Variants in ATG10 observed in about 807,000 individuals in gnomAD.
The protein encoded by ATG10 is autophagy related 10.
In ATG10, 30 loss-of-function variants were observed where a neutral mutation model predicts 32.1. That is an observed-to-expected ratio of 0.94 (90% confidence interval 0.70 to 1.27). The LOEUF (loss-of-function observed/expected upper bound fraction) is 1.27, where lower values mean the gene tolerates loss of function less well. Ranked by LOEUF, ATG10 falls within the 50% of genes most tolerant of loss-of-function variation. The probability of loss-of-function intolerance (pLI) is 0.00; values close to 1 mark genes in which losing one functional copy is unlikely to be tolerated. For synonymous variants in ATG10, 87 were observed against 91.5 expected, an observed-to-expected ratio of 0.95 and a Z score of 0.28; for missense variants, 233 against 262.3, an observed-to-expected ratio of 0.89 and a Z score of 0.77.
rs371581160 is a variant in ATG10 at position 82,118,400 on chromosome 5, A to ATATAT, written c.217-45998_217-45994dup. ...ATAATATATGTACATATATATATATATATATGTATGTATATATTCCCTAGC... is the reference window on the plus strand; with the variant it reads ...ATAATATATGTACATATATATATATATATATTATATGTATGTATATATTCCCTAGC... On this transcript the variant is annotated intron_variant, in intron 3 of 7. Transcript: ENST00000282185. 4.8e-4 allele frequency among the ~76,000 whole-genome samples: 56 copies of ATATAT among 115,832 alleles called. 2 individuals carry two copies. The highest frequency in any genetic ancestry group is 7.7e-4 in the Non-Finnish European group (41 of 52,904). 76.0% of individuals were successfully genotyped at this position (115,832 alleles called of 152,430 possible).
intron 2 of ATG10, among the ~76,000 whole-genome samples, chr5:82,025,974 A>C (rs1762582220): frequency 6.6e-6 from 1 of 152,236 alleles, no homozygotes; most frequent in African/African-American, 2.4e-5. Context: ...GAAAAATTTT[A>C]ATTTTGGTAA....
At chr5:82,231,155 T>A (rs1300931683) in intron 5 of ATG10, among the ~76,000 whole-genome samples, 1 of 152,188 alleles carries the variant, frequency 6.6e-6, no homozygotes, top group Admixed American at 6.5e-5. Context: ...TGGTACTAGT[T>A]TTCTTTTTGG....
intron 5 of ATG10, among the ~76,000 whole-genome samples, chr5:82,201,626 C>A (rs776676672): frequency 6.6e-6 from 1 of 152,154 alleles, no homozygotes. Flanking sequence ...CAAGAAGGAA[C>A]CTTTAACTTT....
At chr5:82,042,677 G>T (rs1581629181) in intron 2 of ATG10, among the ~76,000 whole-genome samples, 1 of 152,152 alleles carries the variant, frequency 6.6e-6, no homozygotes, top group Admixed American at 6.5e-5. Flanking sequence ...TTCTAAATGG[G>T]AGACATTGGC....
chr5:82,116,499 C>T (rs1182447769), intron 3 of ATG10, among the ~76,000 whole-genome samples: 1 of 151,974 alleles, frequency 6.6e-6, no homozygotes, highest in Admixed American at 6.6e-5. Flanking sequence ...AATGCACCAT[C>T]GCATATTATA....
At chr5:82,093,209 A>G (rs72776866) in intron 3 of ATG10, among the ~76,000 whole-genome samples, 2 of 152,068 alleles carry the variant, frequency 1.3e-5, no homozygotes, top group Non-Finnish European at 2.9e-5. Flanking sequence ...CTCTCTCCCC[A>G]TTTCTCTTCT....
intron 3 of ATG10, among the ~76,000 whole-genome samples, chr5:82,106,165 T>G (rs1308400148): frequency 6.6e-6 from 1 of 152,166 alleles, no homozygotes; most frequent in African/African-American, 2.4e-5. Context: ...ATCATTTACT[T>G]TCTTTAAAAC....
Position 82,150,626 on chromosome 5 carries a change from C to T in ATG10, c.217-13773C>T, listed in dbSNP as rs536002510. Among the ~76,000 whole-genome samples the T allele has an allele frequency of 9.2e-5, 14 of 152,326 alleles. No homozygotes were observed. The South Asian group carries it at 2.9e-3, about 32-fold the overall frequency. On this transcript the variant is annotated intron_variant, in intron 3 of 7. Transcript: ENST00000282185. ...AGCTCCTTCCAGGAATAATTTCTGT[C>T]ACCTCAGAGAAAGCGATCGTGAGGC...
At chr5:82,090,843 A>G (rs1764857847) in intron 3 of ATG10, among the ~76,000 whole-genome samples, 1 of 152,222 alleles carries the variant, frequency 6.6e-6, no homozygotes, top group Non-Finnish European at 1.5e-5. Context: ...TTACCTGTGT[A>G]AGTATAATCT....
At chr5:82,136,619 T>A (rs577361903) in intron 3 of ATG10, among the ~76,000 whole-genome samples, 1 of 152,230 alleles carries the variant, frequency 6.6e-6, no homozygotes, top group East Asian at 1.9e-4. Flanking sequence ...GGGCTTCCCT[T>A]TGTGGGTACC....
At chr5:82,104,176 A>G (rs758671044) in intron 3 of ATG10, among the ~76,000 whole-genome samples, 6 of 152,130 alleles carry the variant, frequency 3.9e-5, no homozygotes, top group African/African-American at 7.2e-5. Flanking sequence ...TTTGGCGAAC[A>G]TCTGTACATA....
chr5:82,067,349 T>A (rs1011408412), intron 3 of ATG10, among the ~76,000 whole-genome samples: 1 of 152,172 alleles, frequency 6.6e-6, no homozygotes, highest in Non-Finnish European at 1.5e-5. Context: ...CAAACTATAT[T>A]TTTTTAACTA....
intron 1 of ATG10, among the ~76,000 whole-genome samples, chr5:81,979,285 C>T (rs1024707704): frequency 6.6e-6 from 1 of 152,108 alleles, no homozygotes; most frequent in African/African-American, 2.4e-5. Flanking sequence ...CCCAGCACTT[C>T]CAGAGGCCGA....
intron 3 of ATG10, among the ~76,000 whole-genome samples, chr5:82,132,892 C>T (rs1446560386): frequency 1.3e-5 from 2 of 152,160 alleles, no homozygotes; most frequent in East Asian, 3.9e-4. Flanking sequence ...CACATCCTCT[C>T]CAGCATCTAT....
intron 2 of ATG10, among the ~76,000 whole-genome samples, chr5:82,045,517 T>A (rs1763209153): frequency 6.6e-6 from 1 of 152,178 alleles, no homozygotes; most frequent in Non-Finnish European, 1.5e-5. Flanking sequence ...CTCCTTCTGC[T>A]GTTCTGTTGT....
chr5:82,195,793 A>ATTT (rs1270745537), intron 5 of ATG10, among the ~76,000 whole-genome samples: 1 of 152,166 alleles, frequency 6.6e-6, no homozygotes, highest in Non-Finnish European at 1.5e-5. Context: ...GTTGATGAAC[A>ATTT]TTTTGGTTGT....
intron 3 of ATG10, among the ~76,000 whole-genome samples, chr5:82,145,857 C>G (rs1767334131): frequency 1.3e-5 from 2 of 152,152 alleles, no homozygotes; most frequent in Non-Finnish European, 2.9e-5. Flanking sequence ...CAGGCATGCA[C>G]CACCATGTCC....
intron 2 of ATG10, among the ~76,000 whole-genome samples, chr5:81,993,371 T>TTCTTG (rs1561244203): frequency 2.7e-5 from 1 of 36,904 alleles, no homozygotes; most frequent in African/African-American, 2.2e-4. Flanking sequence ...TTCTTTTCTT[T>TTCTTG]TCTTTTCTTT....
chr5:82,074,349 A>C (rs1489315459), intron 3 of ATG10, among the ~76,000 whole-genome samples: 1 of 152,162 alleles, frequency 6.6e-6, no homozygotes, highest in Non-Finnish European at 1.5e-5. Context: ...TTTCTATTGT[A>C]CTTTTTTATA....
Sources: allele counts gnomAD v4.1 joint callset (sites outside exome capture counted in the v4.1 genomes callset), GRCh38; gene constraint gnomAD v4.1.1; transcripts MANE v1.5; gene names NCBI Gene and HGNC (gene_info 2026-07-23, HGNC 2026-07-21).